PICALM: variants seen among roughly 807,000 people sequenced by gnomAD.
PICALM encodes phosphatidylinositol binding clathrin assembly protein.
Under a neutral mutation model 80.5 loss-of-function variants are expected in PICALM, and 40 were observed. The ratio of observed to expected loss-of-function variants is 0.50; its 90% CI spans 0.39 to 0.65. PICALM has a LOEUF of 0.65. Among genes scored for constraint, PICALM ranks in the 30% least tolerant of loss-of-function variants. The pLI, the probability that PICALM is intolerant of heterozygous loss-of-function variation, is 0.00. For missense variants in PICALM, 676 were observed against 778.9 expected (o/e 0.87, Z 1.57); for synonymous variants, 288 against 260.3 (o/e 1.11, Z -1.02).
At chr11:86,030,388 TG>T (rs1159959592) in intron 2 of PICALM, among the ~76,000 whole-genome samples, 1 of 152,206 alleles carries the variant, frequency 6.6e-6, no homozygotes, top group African/African-American at 2.4e-5. Context: ...CACAACGTGA[TG>T]GATGTCAACA....
intron 19 of PICALM, among the ~76,000 whole-genome samples, chr11:85,968,983 C>T (rs1385441247): frequency 1.0e-5 from 1 of 99,296 alleles, no homozygotes; most frequent in Admixed American, 9.9e-5. Flanking sequence ...CACACACACA[C>T]ACACACACAC....
chr11:86,029,252 T>A (rs1593104574), intron 2 of PICALM, among the ~76,000 whole-genome samples: 1 of 152,020 alleles, frequency 6.6e-6, no homozygotes, highest in Non-Finnish European at 1.5e-5. Context: ...AAAAAAATCA[T>A]CCCCCTTCCC....
At chr11:86,016,819 C>G (rs1353713264) in intron 4 of PICALM, among the ~76,000 whole-genome samples, 1 of 152,204 alleles carries the variant, frequency 6.6e-6, no homozygotes, top group African/African-American at 2.4e-5. Context: ...TTACATGAAA[C>G]ACATAAGCTC....
At chr11:86,017,314 T>G (rs1188795722) in intron 4 of PICALM, among the ~76,000 whole-genome samples, 4 of 151,886 alleles carry the variant, frequency 2.6e-5, no homozygotes, top group Middle Eastern at 3.4e-3. Flanking sequence ...AAACACCTAA[T>G]CCATAAATAT....
chr11:86,026,515 C>CGGTT (rs2095651722), intron 2 of PICALM, 148 bp from the exon 3 acceptor site: 2 of 576,606 alleles, frequency 3.5e-6, no homozygotes, highest in African/African-American at 1.9e-5. Context: ...AACTAGTTAC[C>CGGTT]AAACCTAAAA....
chr11:86,064,742 G>A (rs1007373487), intron 1 of PICALM, among the ~76,000 whole-genome samples: 1 of 151,116 alleles, frequency 6.6e-6, no homozygotes, highest in East Asian at 1.9e-4. Flanking sequence ...TCCAACGATA[G>A]TAAATAAGAA....
intron 12 of PICALM, among the ~76,000 whole-genome samples, 186 bp downstream of exon 12, chr11:85,996,640 C>G (rs774280906): frequency 5.3e-5 from 8 of 152,038 alleles, no homozygotes; most frequent in Non-Finnish European, 1.0e-4. Context: ...TTTAATTGAA[C>G]ATAAATTCCT....
intron 8 of PICALM, among the ~76,000 whole-genome samples, chr11:86,004,661 T>A (rs1003873531): frequency 2.0e-5 from 3 of 152,156 alleles, no homozygotes; most frequent in Admixed American, 6.5e-5. Flanking sequence ...CAGTAGCATT[T>A]ACTTACCCTA....
intron 1 of PICALM, among the ~76,000 whole-genome samples, chr11:86,045,759 C>A (rs1441335116): frequency 2.0e-5 from 3 of 151,928 alleles, no homozygotes; most frequent in African/African-American, 7.3e-5. Flanking sequence ...GTATCTTTAT[C>A]CTGGCTTGTG....
At chr11:86,004,997 G>T (rs574525972) in intron 8 of PICALM, among the ~76,000 whole-genome samples, 1 of 152,158 alleles carries the variant, frequency 6.6e-6, no homozygotes, top group African/African-American at 2.4e-5. Flanking sequence ...GATGATAGTG[G>T]TTAACATTTA....
intron 1 of PICALM, among the ~76,000 whole-genome samples, chr11:86,054,390 G>A (rs892236736): frequency 6.6e-6 from 1 of 152,166 alleles, no homozygotes; most frequent in African/African-American, 2.4e-5. Flanking sequence ...TGAAGACGGA[G>A]GATGGCACTG....
intron 11 of PICALM, among the ~76,000 whole-genome samples, chr11:85,998,301 T>G (rs1243653018): frequency 2.7e-5 from 4 of 148,548 alleles, no homozygotes; most frequent in Non-Finnish European, 4.5e-5. Flanking sequence ...TTAGTAGAGA[T>G]GGGCTTTCAC....
Position 85,974,750 on chromosome 11 carries a change from G to A in PICALM, c.1902C>T (p.Val634=), listed in dbSNP as rs752872165. ...GGCCAAAGGGGTTTGGAGGTCTCAT[G>A]ACAGGCTGGCTGTATATTAAGGTTG... The part of the protein sequence containing the change: ...TQPTLIYSQP[V]MRPPNPFGPV... The change falls in exon 19 of 20, where the codon GTC becomes GTT. Residue 634 remains valine, a synonymous_variant. Transcript: ENST00000393346. 1.2e-5 allele frequency: 20 copies of A among 1,613,734 alleles called. No homozygotes were observed. The highest frequency in any genetic ancestry group is 1.7e-5 in the Admixed American group (1 of 59,998).
rs144195641 is a variant in PICALM, at chr11:85,998,073, T to C, written c.1155-1144A>G. ...CTGGGATTACAGGCGGGAGGCACCA[T>C]GCCTGGCTTACATGATATATTTCTA... On this transcript the variant is annotated intron_variant, in intron 11 of 19. Coordinates refer to ENST00000393346, the MANE Select transcript of PICALM (RefSeq NM_007166.4). Among the ~76,000 whole-genome samples the C allele has an allele frequency of 1.5e-4, 23 of 151,856 alleles. No individual in the cohort carries two copies. In the East Asian group the frequency reaches 3.7e-3, roughly 24 times the overall value.
chr11:86,062,123 G>A (rs1283650719), intron 1 of PICALM, among the ~76,000 whole-genome samples: 2 of 152,192 alleles, frequency 1.3e-5, no homozygotes, highest in African/African-American at 2.4e-5. Flanking sequence ...GGGATGGCGA[G>A]GGGGAGCACA....
chr11:86,057,553 TATAA>T (rs571649995), intron 1 of PICALM, among the ~76,000 whole-genome samples: 7 of 148,674 alleles, frequency 4.7e-5, no homozygotes, highest in African/African-American at 1.3e-4. Flanking sequence ...CAAACAAACA[TATAA>T]ATAAATAAAT....
At position 86,056,134 on chromosome 11, in the gene PICALM, T is replaced by TAAAAAA. The variant is rs376759395; in HGVS notation, c.130+12516_130+12517insTTTTTT. 6.1e-4 allele frequency among the ~76,000 whole-genome samples: 47 copies of TAAAAAA among 76,850 alleles called. 6 individuals are homozygous for TAAAAAA. The highest frequency in any genetic ancestry group is 8.1e-4 in the Non-Finnish European group (31 of 38,094). The allele number at this position is 76,850 out of a possible 152,430, so 50.4% of individuals were successfully genotyped here. ...TGGGTGACAGAACAAGACTCTGTCTTTAAAAAAAAAAAAAAAGAAAAAACC... is the reference window on the plus strand; with the variant it reads ...TGGGTGACAGAACAAGACTCTGTCTTAAAAAATAAAAAAAAAAAAAAAGAAAAAACC... On this transcript the variant is annotated intron_variant, in intron 1 of 19. Transcript: ENST00000393346.
chr11:86,018,054 A>G (rs1397593610), intron 4 of PICALM, among the ~76,000 whole-genome samples: 1 of 152,184 alleles, frequency 6.6e-6, no homozygotes, highest in Non-Finnish European at 1.5e-5. Context: ...ATTATTTTTT[A>G]AAAGTCAGTA....
chr11:86,016,455 C>T (rs938682809), intron 4 of PICALM, among the ~76,000 whole-genome samples: 1 of 152,248 alleles, frequency 6.6e-6, no homozygotes, highest in Non-Finnish European at 1.5e-5. Flanking sequence ...CCACTACCCA[C>T]ATTGATCCTT....
Sources: allele counts gnomAD v4.1 joint callset (sites outside exome capture counted in the v4.1 genomes callset), GRCh38; gene constraint gnomAD v4.1.1; transcripts MANE v1.5; gene names NCBI Gene and HGNC (gene_info 2026-07-23, HGNC 2026-07-21).